Variants in NSDHL observed in about 807,000 individuals in gnomAD.
The protein encoded by NSDHL is NAD(P) dependent 3-beta-hydroxysteroid dehydrogenase NSDHL, also known as sterol-4-alpha-carboxylate 3-dehydrogenase, decarboxylating.
Under a neutral mutation model 23.0 loss-of-function variants are expected in NSDHL, and 1 was observed. The ratio of observed to expected loss-of-function variants is 0.04; its 90% CI spans 0.02 to 0.21. The LOEUF (loss-of-function observed/expected upper bound fraction) is 0.21, where lower values mean the gene tolerates loss of function less well. NSDHL is among the 10% of genes least tolerant of loss of function. The pLI, the probability that NSDHL is intolerant of heterozygous loss-of-function variation, is 1.00. For missense variants in NSDHL, 237 were observed against 300.9 expected, an observed-to-expected ratio of 0.79 and a Z score of 1.57; for synonymous variants, 128 against 121.1, an observed-to-expected ratio of 1.06 and a Z score of -0.37.
chrX:152,850,139 C>T (rs1394317313), intron 2 of NSDHL, 126 bp from the exon 3 acceptor site: 4 of 717,728 alleles, frequency 5.6e-6, no homozygotes, highest in Admixed American at 4.5e-5. Context: ...TCCAACTTGG[C>T]TCAAGAAGAG....
chrX:152,832,066 C>G (rs1556843487), intron 1 of NSDHL, among the ~76,000 whole-genome samples: 1 of 111,100 alleles, frequency 9.0e-6, no homozygotes, highest in East Asian at 2.8e-4. Context: ...CCCCTTCCAT[C>G]GCTCCACAAC....
chrX:152,835,491 G>A (rs963812144), intron 1 of NSDHL, among the ~76,000 whole-genome samples: 15 of 43,088 alleles, frequency 3.5e-4, no homozygotes, highest in African/African-American at 1.2e-3. Flanking sequence ...GATGTTCCCC[G>A]CCCTGTGTCC....
intron 1 of NSDHL, among the ~76,000 whole-genome samples, 187 bp from the exon 2 acceptor site, chrX:152,846,095 C>T (rs782764790): frequency 2.7e-5 from 3 of 113,037 alleles, no homozygotes; most frequent in Admixed American, 9.3e-5. Flanking sequence ...CCCCGTTAGC[C>T]GGGCATGGTG....
At chrX:152,853,576 C>T (rs962356547) in intron 3 of NSDHL, among the ~76,000 whole-genome samples, 7 of 111,747 alleles carry the variant, frequency 6.3e-5, no homozygotes, top group Non-Finnish European at 1.1e-4. Flanking sequence ...CCTCCAGTGG[C>T]GTCCAGTCCC....
intron 3 of NSDHL, among the ~76,000 whole-genome samples, chrX:152,855,765 T>C (rs1459179864): frequency 1.8e-5 from 2 of 112,298 alleles, no homozygotes; most frequent in Non-Finnish European, 3.8e-5. Context: ...CCTCCTCAGA[T>C]TATGTTGAAG....
chrX:152,846,553 T>C (rs887016306), intron 2 of NSDHL, 121 bp downstream of exon 2: 2 of 527,338 alleles, frequency 3.8e-6, no homozygotes, highest in African/African-American at 4.6e-5. Context: ...TATATAGCTT[T>C]GTTTAAGATG....
At chrX:152,842,332 A>G (rs943314305) in intron 1 of NSDHL, among the ~76,000 whole-genome samples, 2 of 111,431 alleles carry the variant, frequency 1.8e-5, no homozygotes, top group Non-Finnish European at 3.8e-5. Context: ...GCCCATGAAC[A>G]ATATATGAGG....
At chrX:152,867,896 A>G (rs1177486103) in intron 7 of NSDHL, among the ~76,000 whole-genome samples, 5 of 111,186 alleles carry the variant, frequency 4.5e-5, no homozygotes, top group Non-Finnish European at 9.4e-5. Flanking sequence ...CTGGGATTGA[A>G]CAGACATTCA....
intron 4 of NSDHL, among the ~76,000 whole-genome samples, chrX:152,861,681 A>G (rs1294685619): frequency 3.5e-5 from 4 of 112,827 alleles, no homozygotes; most frequent in Non-Finnish European, 7.5e-5. Context: ...TAATGTCATC[A>G]ATAGAGTTTT....
intron 3 of NSDHL, 119 bp downstream of exon 3, chrX:152,850,542 T>G (rs1321924167): frequency 9.5e-6 from 7 of 737,202 alleles, no homozygotes; most frequent in Non-Finnish European, 1.5e-5. Flanking sequence ...TGTGAAAATT[T>G]TCAAAGTTAT....
At chrX:152,864,265 C>T (rs1361875832) in intron 5 of NSDHL, among the ~76,000 whole-genome samples, 2 of 112,456 alleles carry the variant, frequency 1.8e-5, no homozygotes, top group Admixed American at 9.3e-5. Flanking sequence ...CAGGGAGACA[C>T]AAGGGCCACC....
intron 2 of NSDHL, among the ~76,000 whole-genome samples, chrX:152,847,202 C>G (rs1270519632): frequency 1.8e-5 from 2 of 111,785 alleles, no homozygotes; most frequent in Non-Finnish European, 3.8e-5. Flanking sequence ...ACTCAGGAGG[C>G]TGAGGCAGGA....
At chrX:152,859,930 C>T (rs1284712970) in intron 4 of NSDHL, among the ~76,000 whole-genome samples, 3 of 112,480 alleles carry the variant, frequency 2.7e-5, no homozygotes, top group Non-Finnish European at 5.6e-5. Flanking sequence ...CTTGCTGCAT[C>T]GTTACCAATC....
At chrX:152,839,442 G>A (rs1933155941) in intron 1 of NSDHL, among the ~76,000 whole-genome samples, 1 of 112,229 alleles carries the variant, frequency 8.9e-6, no homozygotes, top group Non-Finnish European at 1.9e-5. Context: ...GGTACCAGTT[G>A]TTCCTTTCCA....
At chrX:152,849,897 C>T (rs1328940349) in intron 2 of NSDHL, among the ~76,000 whole-genome samples, 2 of 112,578 alleles carry the variant, frequency 1.8e-5, no homozygotes, top group African/African-American at 6.5e-5. Flanking sequence ...GCCCAGGGAT[C>T]AGCTATCGGG....
chrX:152,867,450 C>A, intron 6 of NSDHL, 121 bp from the exon 7 acceptor site: 1 of 567,653 alleles, frequency 1.8e-6, no homozygotes, highest in Non-Finnish European at 3.1e-6. Flanking sequence ...GCCGGCCTTG[C>A]CAAGTGAGGT....
At chrX:152,850,793 T>C (rs1556846189) in intron 3 of NSDHL, among the ~76,000 whole-genome samples, 1 of 112,585 alleles carries the variant, frequency 8.9e-6, no homozygotes. Context: ...ATATAATTCA[T>C]GTACCACAAA....
chrX:152,866,290 G>A (rs781957149), intron 6 of NSDHL, among the ~76,000 whole-genome samples: 4 of 111,971 alleles, frequency 3.6e-5, no homozygotes, highest in Non-Finnish European at 1.9e-5. Flanking sequence ...TCCCATTCCC[G>A]AGGGCAGAGC....
At chrX:152,852,817 C>A (rs58723455) in intron 3 of NSDHL, among the ~76,000 whole-genome samples, 295 of 110,638 alleles carry the variant, frequency 2.7e-3, no homozygotes, top group African/African-American at 9.2e-3. Context: ...CAGTCACTGC[C>A]ACCAGGGACC....
Sources: allele counts gnomAD v4.1 joint callset (sites outside exome capture counted in the v4.1 genomes callset), GRCh38; gene constraint gnomAD v4.1.1; transcripts MANE v1.5; gene names NCBI Gene and HGNC (gene_info 2026-07-23, HGNC 2026-07-21).